IL17D: variants seen among roughly 807,000 people sequenced by gnomAD.
The protein encoded by IL17D is interleukin-17D.
A neutral mutation model predicts 5.7 loss-of-function variants in IL17D; 10 were observed. The observed-to-expected ratio is 1.75, with a 90% CI of 1.08 to 2.97. IL17D has a LOEUF of 2.97. Among genes scored for constraint, IL17D ranks in the 30% most tolerant of loss-of-function variants. IL17D has a pLI of 0.00. For synonymous variants in IL17D, 172 were observed against 141.7 expected, an observed-to-expected ratio of 1.21 and a Z score of -1.52; for missense variants, 354 against 292.7, an observed-to-expected ratio of 1.21 and a Z score of -1.53.
At chr13:20,717,755 G>C (rs539742001) in intron 1 of IL17D, among the ~76,000 whole-genome samples, 67 of 152,312 alleles carry the variant, frequency 4.4e-4, no homozygotes, top group Middle Eastern at 6.8e-3. Flanking sequence ...GCAGCCATGG[G>C]GGGAGGTGTC....
chr13:20,704,867 G>T (rs1465566202), intron 1 of IL17D, among the ~76,000 whole-genome samples: 1 of 152,140 alleles, frequency 6.6e-6, no homozygotes, highest in East Asian at 1.9e-4. Flanking sequence ...CTGGAGTGGA[G>T]CCCTGGGAAG....
chr13:20,703,295 C>T, upstream of IL17D: 1 of 986,486 alleles, frequency 1.0e-6, no homozygotes, highest in Non-Finnish European at 1.2e-6. Context: ...AAAGCGCTTT[C>T]GGGGGAGAAG....
chr13:20,710,571 G>A (rs1204819609), intron 1 of IL17D, among the ~76,000 whole-genome samples: 2 of 144,586 alleles, frequency 1.4e-5, no homozygotes, highest in Non-Finnish European at 3.0e-5. Context: ...GGAGGTTGCG[G>A]TGAGCTGAGA....
chr13:20,705,477 T>A (rs1038918922), intron 1 of IL17D, among the ~76,000 whole-genome samples: 5 of 152,042 alleles, frequency 3.3e-5, no homozygotes, highest in African/African-American at 4.8e-5. Context: ...GCAGGAGGAT[T>A]TAAGTCCAGG....
At chr13:20,720,684 T>C (rs571210703) in intron 1 of IL17D, among the ~76,000 whole-genome samples, 130 of 152,022 alleles carry the variant, frequency 8.6e-4, no homozygotes, top group African/African-American at 3.0e-3. Context: ...AGCCTTGGAG[T>C]CATTGCTGAC....
upstream of IL17D, chr13:20,701,757 T>C (rs1302985361): frequency 1.3e-5 from 2 of 152,242 alleles, no homozygotes; most frequent in Non-Finnish European, 2.9e-5. Flanking sequence ...GGGGAACTCA[T>C]AAACATTTGC....
intron 1 of IL17D, among the ~76,000 whole-genome samples, chr13:20,707,496 G>A (rs980497499): frequency 5.3e-5 from 8 of 150,992 alleles, no homozygotes; most frequent in Non-Finnish European, 2.9e-5. Context: ...ATGGAAGTGT[G>A]GAGCCTCTAC....
At chr13:20,710,451 TA>T (rs60458842) in intron 1 of IL17D, among the ~76,000 whole-genome samples, 9,093 of 83,334 alleles carry the variant, frequency 0.11, 511 homozygotes, top group African/African-American at 0.23. Context: ...CCATCTCTAC[TA>T]AAAAAAAAAA....
In IL17D at chr13:20,721,959, G is replaced by T. The variant is rs755920972; in HGVS notation, c.*5G>T. ...GACGCGCCCGCTGGCCCCTGAGGCC[G>T]GTCCTGCCCCGGGAGGTCTCCCCGG... On this transcript the variant is annotated 3_prime_UTR_variant, in exon 2 of 2. Coordinates refer to ENST00000682841, the MANE Select transcript of IL17D (RefSeq NM_001385224.1). The T allele has an allele frequency of 3.8e-6, 6 of 1,579,834 alleles. No individual in the cohort carries two copies. The highest frequency in any genetic ancestry group is 4.3e-6 in the Non-Finnish European group (5 of 1,167,930).
rs1388565560 is a variant in IL17D at position 20,722,420 on chromosome 13, A to G, written c.*466A>G. 3.2e-5 allele frequency: 5 copies of G among 154,838 alleles called. No homozygotes were observed. The highest frequency in any genetic ancestry group is 1.2e-4 in the African/African-American group (5 of 41,602). The allele number at this position is 154,838 out of a possible 1,614,324, so 9.6% of individuals were successfully genotyped here. A position where few individuals can be genotyped will look rare whatever the true frequency, so the allele number is the denominator to read the frequency against. On this transcript the variant is annotated 3_prime_UTR_variant, in exon 2 of 2. Transcript: ENST00000682841. ...AACTGTTTTGAATAGAGGCAGAGCTATTTTATATTATCAAATGAGAGCTAC... is the reference window on the plus strand; with the variant it reads ...AACTGTTTTGAATAGAGGCAGAGCTGTTTTATATTATCAAATGAGAGCTAC...
chr13:20,717,849 T>C (rs1566520770), intron 1 of IL17D, among the ~76,000 whole-genome samples: 1 of 152,170 alleles, frequency 6.6e-6, no homozygotes, highest in Non-Finnish European at 1.5e-5. Flanking sequence ...CTGCGCTGTA[T>C]ATTTTTAGGC....
At position 20,722,312 on chromosome 13, in the gene IL17D, C is replaced by A; in HGVS notation, c.*358C>A. The A allele has an allele frequency of 7.3e-6, 2 of 275,152 alleles. No individual in the cohort carries two copies. The highest frequency in any genetic ancestry group is 6.7e-6 in the Non-Finnish European group (1 of 148,744). 17.0% of individuals were successfully genotyped at this position (275,152 alleles called of 1,614,324 possible). On this transcript the variant is annotated 3_prime_UTR_variant, in exon 2 of 2. Coordinates refer to ENST00000682841, the MANE Select transcript of IL17D (RefSeq NM_001385224.1). ...GCGTGACTCACCGCTGGGTGCTTGC[C>A]AAAGAGATAGGGACGCATATGCTTT...
At position 20,721,671 on chromosome 13, in the gene IL17D, T is replaced by TG. The variant is rs1382327085; in HGVS notation, c.327dup (p.Pro110AlafsTer2). On this transcript the variant is annotated frameshift_variant, in exon 2 of 2. Transcript: ENST00000682841. LOFTEE classifies it low-confidence loss of function (END_TRUNC). ...GACCCGGCGAGGTACCCCAGGTACC[T>TG]GCCTGAAGCCTACTGCCTGTGCCGG... is the stretch of plus-strand genomic sequence containing the variant. 15 of 1,608,022 alleles carry TG rather than the reference T, an allele frequency of 9.3e-6. No individual in the cohort carries two copies. Among genetic ancestry groups the TG allele is most frequent in the African/African-American group, 1.3e-5 (1 of 74,822 alleles).
intron 1 of IL17D, among the ~76,000 whole-genome samples, chr13:20,704,642 C>G (rs1334729368): frequency 1.3e-5 from 2 of 152,168 alleles, no homozygotes; most frequent in African/African-American, 4.8e-5. Flanking sequence ...TGCTTCCTCT[C>G]TTTACCCTCC....
chr13:20,720,096 G>A (rs1352837057), intron 1 of IL17D, among the ~76,000 whole-genome samples: 1 of 152,080 alleles, frequency 6.6e-6, no homozygotes, highest in Non-Finnish European at 1.5e-5. Context: ...TTCAAGTTCA[G>A]GTTTGACCCA....
chr13:20,717,679 C>G (rs2058687814), intron 1 of IL17D, among the ~76,000 whole-genome samples: 1 of 152,206 alleles, frequency 6.6e-6, no homozygotes, highest in African/African-American at 2.4e-5. Context: ...TTAGCGGCAC[C>G]TTCCCATTGT....
At chr13:20,707,712 T>C (rs762807478) in intron 1 of IL17D, among the ~76,000 whole-genome samples, 31 of 152,218 alleles carry the variant, frequency 2.0e-4, no homozygotes, top group East Asian at 1.2e-3. Context: ...TTTTTAGAGA[T>C]GGGGGCCTCA....
chr13:20,709,226 T>C (rs1444334375), intron 1 of IL17D, among the ~76,000 whole-genome samples: 5 of 151,010 alleles, frequency 3.3e-5, no homozygotes, highest in Non-Finnish European at 7.4e-5. Context: ...TACAGGGGTA[T>C]GAATCAGCAC....
At position 20,703,998 on chromosome 13, in the gene IL17D, C is replaced by T. The variant is rs1283495676; in HGVS notation, c.-4C>T. The T allele has an allele frequency of 4.9e-6, 5 of 1,018,128 alleles. No individual in the cohort carries two copies. The highest frequency in any genetic ancestry group is 1.8e-5 in the African/African-American group (1 of 57,118). 63.1% of individuals were successfully genotyped at this position (1,018,128 alleles called of 1,614,324 possible). A position where few individuals can be genotyped will look rare whatever the true frequency, so the allele number is the denominator to read the frequency against. On this transcript the variant is annotated 5_prime_UTR_variant, in exon 1 of 2. Transcript: ENST00000682841. ...GCTGAGCGTGGCCTGTCCCTCAGGTCTGGATGCTGGTAGCCGGCTTCCTGC... is the reference window on the plus strand; with the variant it reads ...GCTGAGCGTGGCCTGTCCCTCAGGTTTGGATGCTGGTAGCCGGCTTCCTGC...
Sources: gnomAD v4.1 joint callset for allele counts (sites outside exome capture counted in the v4.1 genomes callset) on GRCh38, gnomAD v4.1.1 for gene constraint, MANE v1.5 for transcripts, NCBI Gene and HGNC (gene_info 2026-07-23, HGNC 2026-07-21) for gene names.